Variants in COBL observed in about 807,000 individuals in gnomAD.
COBL encodes the protein cordon-bleu WH2 repeat protein, also known as protein cordon-bleu.
In COBL, 51 loss-of-function variants were observed where a neutral mutation model predicts 98.8. The observed-to-expected ratio is 0.52, with a 90% CI of 0.41 to 0.65. COBL has a LOEUF of 0.65. Among genes scored for constraint, COBL ranks in the 30% least tolerant of loss-of-function variants. The pLI, the probability that COBL is intolerant of heterozygous loss-of-function variation, is 0.00. For missense variants in COBL, 1,617 were observed against 1,617.5 expected (o/e 1.00, Z 0.01); for synonymous variants, 634 against 651.7 (o/e 0.97, Z 0.41).
chr7:51,037,849 T>C (rs2128881782), intron 8 of COBL, among the ~76,000 whole-genome samples: 1 of 152,364 alleles, frequency 6.6e-6, no homozygotes, highest in South Asian at 2.1e-4. Context: ...TATAACATAT[T>C]CTAATAATTA....
chr7:51,069,940 T>C (rs187865958), intron 7 of COBL, among the ~76,000 whole-genome samples: 11 of 152,314 alleles, frequency 7.2e-5, no homozygotes, highest in African/African-American at 2.6e-4. Flanking sequence ...CTAAATAATC[T>C]CAATAGATCT....
intron 7 of COBL, among the ~76,000 whole-genome samples, chr7:51,053,144 C>T (rs1341156801): frequency 6.6e-6 from 1 of 152,214 alleles, no homozygotes; most frequent in East Asian, 1.9e-4. Context: ...CATTAATTAA[C>T]ATATTTTTAT....
At chr7:51,315,515 T>C (rs1176459824) in intron 1 of COBL, among the ~76,000 whole-genome samples, 1 of 152,136 alleles carries the variant, frequency 6.6e-6, no homozygotes, top group Non-Finnish European at 1.5e-5. Context: ...CTCCTTCAAG[T>C]CCAGTTGCCA....
intron 7 of COBL, among the ~76,000 whole-genome samples, chr7:51,081,840 G>A (rs921364782): frequency 6.6e-6 from 1 of 152,096 alleles, no homozygotes; most frequent in Non-Finnish European, 1.5e-5. Context: ...GGTGTGTGGG[G>A]CTTAAAACCC....
In COBL at chr7:51,029,345, G is replaced by C; in HGVS notation, c.1751C>G (p.Ala584Gly). The change falls in exon 10 of 13, where the codon GCT becomes GGT. Residue 584 changes from alanine to glycine, a missense_variant. Around this residue, in one of 3 missense-constraint regions of COBL, gnomAD observed 1,304 missense variants for 1,282.0 expected, o/e 1.02. Coordinates refer to ENST00000265136, the MANE Select transcript of COBL (RefSeq NM_015198.5). ...SRRDSLAPLQAEHSQPHEKAR... is the reference protein window; with the variant it reads ...SRRDSLAPLQGEHSQPHEKAR... ...CTTTTCATGGGGCTGGCTGTGCTCA[G>C]CTTGAAGTGGCGCCAGGGAGTCTCT... is the stretch of plus-strand genomic sequence containing the variant. 1.2e-6 allele frequency: 2 copies of C among 1,604,644 alleles called. No individual in the cohort carries two copies. Among genetic ancestry groups the C allele is most frequent in the Non-Finnish European group, 1.7e-6 (2 of 1,174,132 alleles).
At chr7:51,300,583 C>T (rs1182296946) in intron 1 of COBL, among the ~76,000 whole-genome samples, 1 of 152,148 alleles carries the variant, frequency 6.6e-6, no homozygotes, top group East Asian at 1.9e-4. Flanking sequence ...GAGCTGCCTG[C>T]TCCTACAGGC....
intron 6 of COBL, among the ~76,000 whole-genome samples, chr7:51,107,268 T>A (rs1229892557): frequency 6.6e-6 from 1 of 152,020 alleles, no homozygotes; most frequent in Non-Finnish European, 1.5e-5. Context: ...CTAATATTTG[T>A]ATTTTTAGTA....
chr7:51,118,544 A>T (rs1025660599), intron 6 of COBL, among the ~76,000 whole-genome samples: 6 of 151,974 alleles, frequency 3.9e-5, no homozygotes, highest in African/African-American at 1.4e-4. Flanking sequence ...CATCTTTGCC[A>T]TATCTTGTAA....
rs147206783 is a variant in COBL, at chr7:51,121,768, T to C, written c.957+14390A>G. ...ATTTATATTTGAAAACCCACTTTTC[T>C]GATTGTGGATTATCAAGGTGGCTGG... On this transcript the variant is annotated intron_variant, in intron 6 of 12. Transcript: ENST00000265136. 2.3e-3 allele frequency among the ~76,000 whole-genome samples: 354 copies of C among 152,332 alleles called. 1 individual carries two copies. The highest frequency in any genetic ancestry group is 8.2e-3 in the African/African-American group (340 of 41,562).
At chr7:51,049,967 A>G (rs534540050) in intron 7 of COBL, among the ~76,000 whole-genome samples, 3 of 152,286 alleles carry the variant, frequency 2.0e-5, no homozygotes, top group African/African-American at 4.8e-5. Flanking sequence ...CTCCAAGTGA[A>G]GTTTGCCTGT....
chr7:51,247,490 A>C (rs925341852), intron 1 of COBL, among the ~76,000 whole-genome samples: 8 of 152,238 alleles, frequency 5.3e-5, no homozygotes, highest in Non-Finnish European at 1.2e-4. Context: ...AACTGGTTGG[A>C]TGAATTGGGG....
intron 7 of COBL, chr7:51,073,187 T>C (rs532553403): frequency 2.2e-5 from 9 of 411,758 alleles, no homozygotes; most frequent in Non-Finnish European, 3.9e-5. Context: ...AACAAATCTC[T>C]GTTATTAATG....
intron 1 of COBL, among the ~76,000 whole-genome samples, chr7:51,258,017 T>C (rs1325245323): frequency 6.6e-6 from 1 of 152,256 alleles, no homozygotes; most frequent in Non-Finnish European, 1.5e-5. Flanking sequence ...TTACCTGTAA[T>C]ATAGTGTACT....
intron 2 of COBL, among the ~76,000 whole-genome samples, chr7:51,194,529 T>C (rs961964315): frequency 1.3e-5 from 2 of 152,186 alleles, no homozygotes; most frequent in Admixed American, 6.5e-5. Context: ...CTTGGAGGAA[T>C]TGCCACACTG....
chr7:51,285,473 T>C (rs553710663), intron 1 of COBL, among the ~76,000 whole-genome samples: 2 of 152,050 alleles, frequency 1.3e-5, no homozygotes, highest in African/African-American at 2.4e-5. Context: ...CAAGTATATT[T>C]CTATACTAAC....
At chr7:51,256,948 T>C (rs999609615) in intron 1 of COBL, among the ~76,000 whole-genome samples, 1 of 152,216 alleles carries the variant, frequency 6.6e-6, no homozygotes, top group African/African-American at 2.4e-5. Flanking sequence ...TACTCATTTA[T>C]TATATTATAT....
intron 1 of COBL, among the ~76,000 whole-genome samples, chr7:51,294,241 A>C (rs1010030151): frequency 2.0e-5 from 3 of 151,788 alleles, no homozygotes; most frequent in Non-Finnish European, 4.4e-5. Flanking sequence ...CACTGAGCAG[A>C]GATCATGCCA....
At chr7:51,304,379 T>C (rs923174256) in intron 1 of COBL, among the ~76,000 whole-genome samples, 8 of 152,236 alleles carry the variant, frequency 5.3e-5, no homozygotes, top group African/African-American at 1.7e-4. Context: ...TCCTCATCGG[T>C]GTGACCCACC....
At chr7:51,080,613 C>T (rs956306255) in intron 7 of COBL, among the ~76,000 whole-genome samples, 4 of 152,280 alleles carry the variant, frequency 2.6e-5, no homozygotes, top group Middle Eastern at 3.4e-3. Context: ...CCGGCTGGGC[C>T]TCATATGTAC....
Sources: allele counts gnomAD v4.1 joint callset (sites outside exome capture counted in the v4.1 genomes callset), GRCh38; gene constraint gnomAD v4.1.1; regional missense constraint gnomAD v4.1.1; transcripts MANE v1.5; gene names NCBI Gene and HGNC (gene_info 2026-07-23, HGNC 2026-07-21).